The following MEGF10 variants were observed in gnomAD, a reference collection of about 807,000 sequenced individuals.
MEGF10 encodes the protein multiple epidermal growth factor-like domains protein 10.
MEGF10 carries 86 observed loss-of-function variants against 147.5 expected under a neutral mutation model. That is an observed-to-expected ratio of 0.58 (90% CI 0.49 to 0.70). MEGF10 has a LOEUF of 0.70. MEGF10 is among the 30% of genes least tolerant of loss of function. The probability of loss-of-function intolerance (pLI) is 0.00; values close to 1 mark genes in which losing one functional copy is unlikely to be tolerated. For missense variants in MEGF10, 1,329 were observed against 1,487.3 expected, an observed-to-expected ratio of 0.89 and a Z score of 1.75; for synonymous variants, 478 against 525.5, an observed-to-expected ratio of 0.91 and a Z score of 1.24.
chr5:127,356,271 A>C (rs1451394464), intron 4 of MEGF10, among the ~76,000 whole-genome samples: 1 of 152,232 alleles, frequency 6.6e-6, no homozygotes, highest in African/African-American at 2.4e-5. Context: ...TGGGCCACAC[A>C]CAAGAGATGC....
chr5:127,308,761 T>C (rs1580692399), intron 1 of MEGF10, among the ~76,000 whole-genome samples: 1 of 151,868 alleles, frequency 6.6e-6, no homozygotes, highest in East Asian at 1.9e-4. Flanking sequence ...ATACCTAATG[T>C]TAAATGACGA....
chr5:127,379,064 CTTTTTTTTTT>C (rs35798578), intron 5 of MEGF10, among the ~76,000 whole-genome samples: 3 of 121,474 alleles, frequency 2.5e-5, no homozygotes, highest in African/African-American at 9.1e-5. Context: ...ATTGATTTTT[CTTTTTTTTTT>C]TTTTTTTTGA....
the MEGF10 span, among the ~76,000 whole-genome samples, chr5:127,278,028 G>A: frequency 1.5e-4 from 23 of 152,186 alleles, no homozygotes; most frequent in Middle Eastern, 6.8e-3. Flanking sequence ...ATTTAGGAGT[G>A]GTCAGTAAAG....
intron 9 of MEGF10, among the ~76,000 whole-genome samples, chr5:127,411,802 A>T (rs1477069996): frequency 6.6e-6 from 1 of 152,240 alleles, no homozygotes; most frequent in African/African-American, 2.4e-5. Flanking sequence ...TGGCAGGATT[A>T]GGGACAAGTC....
At chr5:127,366,125 C>T (rs1762643816) in intron 4 of MEGF10, among the ~76,000 whole-genome samples, 1 of 151,774 alleles carries the variant, frequency 6.6e-6, no homozygotes, top group Admixed American at 6.6e-5. Context: ...GAGGTAAGAC[C>T]AAGGTAGTAA....
At chr5:127,328,906 G>T (rs560223932) in intron 1 of MEGF10, among the ~76,000 whole-genome samples, 1 of 152,268 alleles carries the variant, frequency 6.6e-6, no homozygotes, top group Non-Finnish European at 1.5e-5. Context: ...ATATATTAAA[G>T]ATTTTTTTGA....
intron 8 of MEGF10, among the ~76,000 whole-genome samples, chr5:127,406,412 T>G (rs2126942808): frequency 6.6e-6 from 1 of 152,350 alleles, no homozygotes; most frequent in African/African-American, 2.4e-5. Flanking sequence ...CTGTCTGGGC[T>G]CTATAGTTAA....
intron 6 of MEGF10, 88 bp downstream of exon 6, chr5:127,396,866 G>A: frequency 6.5e-7 from 1 of 1,543,576 alleles, no homozygotes; most frequent in Non-Finnish European, 8.8e-7. Context: ...TTGTGCCTCA[G>A]TTTGCATTGC....
intron 1 of MEGF10, among the ~76,000 whole-genome samples, chr5:127,329,043 C>T (rs1373069420): frequency 6.6e-6 from 1 of 152,124 alleles, no homozygotes; most frequent in Non-Finnish European, 1.5e-5. Context: ...TGGCTCAGTA[C>T]TGTGTCTGGC....
chr5:127,284,641 G>A, the MEGF10 span, among the ~76,000 whole-genome samples: 1 of 151,990 alleles, frequency 6.6e-6, no homozygotes, highest in Admixed American at 6.6e-5. Context: ...TGTAAAGCAG[G>A]AATAATTATA....
the MEGF10 span, among the ~76,000 whole-genome samples, chr5:127,240,566 A>G: frequency 6.6e-6 from 1 of 152,190 alleles, no homozygotes; most frequent in Non-Finnish European, 1.5e-5. Flanking sequence ...GCTGAATTTT[A>G]GTTCTTAAAT....
At chr5:127,355,997 A>G (rs1300372301) in intron 4 of MEGF10, among the ~76,000 whole-genome samples, 7 of 152,254 alleles carry the variant, frequency 4.6e-5, no homozygotes, top group Admixed American at 2.6e-4. Context: ...TACAGGCCTA[A>G]TAATTTATGC....
chr5:127,377,837 C>T (rs554814324), intron 5 of MEGF10, among the ~76,000 whole-genome samples: 1 of 152,106 alleles, frequency 6.6e-6, no homozygotes, highest in Admixed American at 6.5e-5. Context: ...AGGCCTGTTG[C>T]GCTGTCAGAA....
the MEGF10 span, among the ~76,000 whole-genome samples, chr5:127,234,870 G>C: frequency 1.3e-5 from 2 of 149,864 alleles, no homozygotes; most frequent in African/African-American, 4.9e-5. Context: ...TTGAGATGGA[G>C]TCCCACTCTG....
intron 5 of MEGF10, among the ~76,000 whole-genome samples, chr5:127,387,274 C>T (rs1193798361): frequency 6.6e-6 from 1 of 152,118 alleles, no homozygotes; most frequent in Non-Finnish European, 1.5e-5. Context: ...CTTTCTTGTC[C>T]TTTGTCTACC....
At chr5:127,230,434 C>A in the MEGF10 span, among the ~76,000 whole-genome samples, 1 of 152,042 alleles carries the variant, frequency 6.6e-6, no homozygotes, top group Admixed American at 6.6e-5. Flanking sequence ...GCAGAGAGGT[C>A]CAGGACTAAG....
intron 9 of MEGF10, among the ~76,000 whole-genome samples, chr5:127,415,052 C>A (rs1219040919): frequency 6.6e-6 from 1 of 151,118 alleles, no homozygotes; most frequent in African/African-American, 2.4e-5. Flanking sequence ...TGGAATAGCC[C>A]ATGTGGACGC....
upstream of MEGF10, chr5:127,290,712 AGCAGCAGCT>A (rs948567174): frequency 3.3e-5 from 5 of 153,024 alleles, no homozygotes; most frequent in Admixed American, 6.5e-5. Flanking sequence ...CTGCCCCGGC[AGCAGCAGCT>A]GCAGCAGCGG....
chr5:127,254,927 AAG>A, the MEGF10 span, among the ~76,000 whole-genome samples: 3 of 151,726 alleles, frequency 2.0e-5, no homozygotes, highest in South Asian at 2.1e-4. Context: ...GCAGTAGAGA[AAG>A]AGTTTAATTA....
Sources: allele counts gnomAD v4.1 joint callset (sites outside exome capture counted in the v4.1 genomes callset), GRCh38; gene constraint gnomAD v4.1.1; transcripts MANE v1.5; gene names NCBI Gene and HGNC (gene_info 2026-07-23, HGNC 2026-07-21).